UNC5C: variants seen among roughly 807,000 people sequenced by gnomAD.
The protein encoded by UNC5C is netrin receptor UNC5C.
UNC5C carries 47 observed loss-of-function variants against 99.8 expected under a neutral mutation model. That is an observed-to-expected ratio of 0.47 (90% CI 0.37 to 0.60). The LOEUF is 0.60. Ranked by LOEUF, UNC5C falls within the 20% of genes least tolerant of loss-of-function variation. The probability of loss-of-function intolerance (pLI) is 0.00; values close to 1 mark genes in which losing one functional copy is unlikely to be tolerated. For missense variants in UNC5C, 1,062 were observed against 1,165.9 expected, an observed-to-expected ratio of 0.91 and a Z score of 1.30; for synonymous variants, 487 against 452.2, an observed-to-expected ratio of 1.08 and a Z score of -0.98.
At chr4:95,189,732 AT>A (rs1485569989) in intron 12 of UNC5C, among the ~76,000 whole-genome samples, 1 of 152,248 alleles carries the variant, frequency 6.6e-6, no homozygotes, top group Non-Finnish European at 1.5e-5. Flanking sequence ...CAACAGACAC[AT>A]GAAAAAATGC....
At chr4:95,437,914 G>A (rs948233106) in intron 1 of UNC5C, among the ~76,000 whole-genome samples, 1 of 151,986 alleles carries the variant, frequency 6.6e-6, no homozygotes, top group African/African-American at 2.4e-5. Flanking sequence ...AATTAGCTGT[G>A]GTTTATTTGG....
intron 12 of UNC5C, among the ~76,000 whole-genome samples, chr4:95,192,190 C>T (rs894941628): frequency 6.9e-6 from 1 of 144,420 alleles, no homozygotes; most frequent in African/African-American, 2.6e-5. Context: ...CTCCCTTTCT[C>T]ATATCCTCCT....
chr4:95,217,788 A>G (rs1368966495), intron 9 of UNC5C, among the ~76,000 whole-genome samples: 1 of 152,174 alleles, frequency 6.6e-6, no homozygotes, highest in Non-Finnish European at 1.5e-5. Flanking sequence ...AGAACCTTAA[A>G]GTATGTTTTG....
intron 12 of UNC5C, among the ~76,000 whole-genome samples, chr4:95,201,872 A>G (rs11724907): frequency 0.52 from 79,764 of 151,994 alleles, 23,912 homozygotes; most frequent in Middle Eastern, 0.77. Flanking sequence ...CCAAAGTGCT[A>G]GGATTACAGG....
intron 1 of UNC5C, among the ~76,000 whole-genome samples, chr4:95,397,610 T>C (rs960934787): frequency 1.3e-5 from 2 of 152,198 alleles, no homozygotes; most frequent in Non-Finnish European, 2.9e-5. Flanking sequence ...AAATTGCAAA[T>C]AGAAACTTAC....
intron 4 of UNC5C, among the ~76,000 whole-genome samples, chr4:95,272,421 G>T (rs990526853): frequency 1.3e-5 from 2 of 152,174 alleles, no homozygotes; most frequent in African/African-American, 4.8e-5. Context: ...GCTTTAAAAT[G>T]CATGTTTATG....
At chr4:95,463,224 G>A (rs1473930444) in intron 1 of UNC5C, among the ~76,000 whole-genome samples, 1 of 152,166 alleles carries the variant, frequency 6.6e-6, no homozygotes, top group Non-Finnish European at 1.5e-5. Context: ...TACACCCGCA[G>A]ACGGGTGGCT....
At chr4:95,287,296 A>G (rs1393691693) in intron 3 of UNC5C, among the ~76,000 whole-genome samples, 3 of 152,252 alleles carry the variant, frequency 2.0e-5, no homozygotes, top group Non-Finnish European at 4.4e-5. Flanking sequence ...TGACATTTTT[A>G]ATAAATGTAA....
In UNC5C at chr4:95,163,351, T is replaced by C. The variant is rs1487113591; in HGVS notation, c.*5883A>G. On this transcript the variant is annotated 3_prime_UTR_variant, in exon 16 of 16. Transcript: ENST00000453304. ...TATGTCACTCCGAACAGAGTTGTTTTAACATTGAGAACCTATGTAGCTCAG... is the reference window on the plus strand; with the variant it reads ...TATGTCACTCCGAACAGAGTTGTTTCAACATTGAGAACCTATGTAGCTCAG... 2 of 152,228 alleles carry C rather than the reference T, an allele frequency of 1.3e-5. No individual in the cohort carries two copies. Among genetic ancestry groups the C allele is most frequent in the Admixed American group, 6.5e-5 (1 of 15,288 alleles). 9.4% of individuals were successfully genotyped at this position (152,228 alleles called of 1,614,324 possible).
chr4:95,270,463 A>T (rs1740616975), intron 4 of UNC5C, among the ~76,000 whole-genome samples: 1 of 152,214 alleles, frequency 6.6e-6, no homozygotes, highest in Admixed American at 6.5e-5. Flanking sequence ...AGTGGAAACT[A>T]GTGGCATTTT....
At chr4:95,218,458 T>A (rs1251406196) in intron 9 of UNC5C, among the ~76,000 whole-genome samples, 1 of 152,220 alleles carries the variant, frequency 6.6e-6, no homozygotes, top group Non-Finnish European at 1.5e-5. Flanking sequence ...GAGTACAGTG[T>A]ACACTATCAA....
chr4:95,267,949 A>ATTTTTTTTTTTTTTTTTTTTTTTTT (rs869293955), intron 4 of UNC5C, among the ~76,000 whole-genome samples: 40 of 117,568 alleles, frequency 3.4e-4, no homozygotes, highest in African/African-American at 1.2e-3. Flanking sequence ...GAATTTTGTG[A>ATTTTTTTTTTTTTTTTTTTTTTTTT]TTTTTTTTTT....
At chr4:95,500,863 G>T (rs1017883233) in intron 1 of UNC5C, among the ~76,000 whole-genome samples, 17 of 152,006 alleles carry the variant, frequency 1.1e-4, no homozygotes, top group African/African-American at 3.6e-4. Flanking sequence ...CCTTGATTGG[G>T]TTTATGTACA....
chr4:95,522,493 AGAGGTTATAT>A (rs533678367), intron 1 of UNC5C, among the ~76,000 whole-genome samples: 152 of 152,262 alleles, frequency 1.0e-3, no homozygotes, highest in African/African-American at 3.4e-3. Context: ...TTACAGAATG[AGAGGTTATAT>A]TAAAATTTTA....
At position 95,165,029 on chromosome 4, in the gene UNC5C, A is replaced by G. The variant is rs544916880; in HGVS notation, c.*4205T>C. On this transcript the variant is annotated 3_prime_UTR_variant, in exon 16 of 16. Coordinates refer to ENST00000453304, the MANE Select transcript of UNC5C (RefSeq NM_003728.4). Reference sequence around the variant, plus strand: ...CTTCTGCATACGTGGATTACAGAGGAGTAAGCAGACCAAGAGCACAGCTGC... The same window carrying G: ...CTTCTGCATACGTGGATTACAGAGGGGTAAGCAGACCAAGAGCACAGCTGC... The G allele has an allele frequency of 7.9e-4, 121 of 152,362 alleles. No homozygotes were observed. The highest frequency in any genetic ancestry group is 2.8e-3 in the African/African-American group (117 of 41,572). The allele number at this position is 152,362 out of a possible 1,614,324, so 9.4% of individuals were successfully genotyped here.
At chr4:95,434,775 T>G (rs1746728374) in intron 1 of UNC5C, among the ~76,000 whole-genome samples, 3 of 152,026 alleles carry the variant, frequency 2.0e-5, no homozygotes, top group Admixed American at 2.0e-4. Context: ...CCACAGTGAC[T>G]ATGAAGTTTC....
intron 1 of UNC5C, among the ~76,000 whole-genome samples, chr4:95,382,453 T>C (rs1232887311): frequency 9.1e-6 from 1 of 109,772 alleles, no homozygotes; most frequent in Non-Finnish European, 1.9e-5. Flanking sequence ...AGTGAGACCG[T>C]CTGTCAAAAA....
chr4:95,192,216 G>A (rs111161432), intron 12 of UNC5C, among the ~76,000 whole-genome samples: 71,680 of 123,672 alleles, frequency 0.58, 22,968 homozygotes, highest in Admixed American at 0.75. Flanking sequence ...CACCTCTTTT[G>A]CTCGCCCTCC....
intron 3 of UNC5C, among the ~76,000 whole-genome samples, chr4:95,279,267 C>T (rs1413638205): frequency 2.0e-5 from 3 of 152,112 alleles, no homozygotes; most frequent in African/African-American, 7.2e-5. Flanking sequence ...ATCATATGGC[C>T]ATTCTTTAAT....
Sources: gnomAD v4.1 joint callset for allele counts (sites outside exome capture counted in the v4.1 genomes callset) on GRCh38, gnomAD v4.1.1 for gene constraint, MANE v1.5 for transcripts, NCBI Gene and HGNC (gene_info 2026-07-23, HGNC 2026-07-21) for gene names.